Variants in HMCN1 observed in about 807,000 individuals in gnomAD.
HMCN1 encodes the protein hemicentin-1.
In HMCN1, 321 loss-of-function variants were observed where a neutral mutation model predicts 625.9. That is an observed-to-expected ratio of 0.51 (90% CI 0.47 to 0.56). The LOEUF (loss-of-function observed/expected upper bound fraction) is 0.56, where lower values mean the gene tolerates loss of function less well. Ranked by LOEUF, HMCN1 falls within the 20% of genes least tolerant of loss-of-function variation. The probability of loss-of-function intolerance (pLI) is 0.00; values close to 1 mark genes in which losing one functional copy is unlikely to be tolerated. For synonymous variants in HMCN1, 2,425 were observed against 2,417.6 expected, an observed-to-expected ratio of 1.00 and a Z score of -0.09; for missense variants, 6,588 against 6,887.3, an observed-to-expected ratio of 0.96 and a Z score of 1.54.
rs1267897044 is a variant in HMCN1 at position 185,816,369 on chromosome 1, T to C, written c.269-29657T>C. On this transcript the variant is annotated intron_variant, in intron 1 of 106. Transcript: ENST00000271588. ...TTTGGGGATGTTTGTAATATTTAAA[T>C]GGAAAAGAGGCTTCCAGAATTCCAT... is the stretch of plus-strand genomic sequence containing the variant. 2.0e-5 allele frequency among the ~76,000 whole-genome samples: 3 copies of C among 152,192 alleles called. No individual in the cohort carries two copies. The East Asian group carries it at 5.8e-4, about 29-fold the overall frequency.
At chr1:185,786,506 T>G (rs1657580478) in intron 1 of HMCN1, among the ~76,000 whole-genome samples, 1 of 152,182 alleles carries the variant, frequency 6.6e-6, no homozygotes, top group South Asian at 2.1e-4. Context: ...CGTTGTCTCA[T>G]CTGGAGTTCT....
chr1:186,054,241 G>A (rs1050106150), intron 44 of HMCN1, among the ~76,000 whole-genome samples: 1 of 151,880 alleles, frequency 6.6e-6, no homozygotes, highest in African/African-American at 2.4e-5. Flanking sequence ...AATTTTGTTG[G>A]GGACAGATAG....
chr1:185,742,026 A>G (rs944346858), intron 1 of HMCN1, among the ~76,000 whole-genome samples: 4 of 151,114 alleles, frequency 2.6e-5, no homozygotes, highest in Non-Finnish European at 5.9e-5. Flanking sequence ...TAGGGCTAAA[A>G]TTGAGCTTAG....
At position 186,159,791 on chromosome 1, in the gene HMCN1, GC is replaced by G. The variant is rs1651309804; in HGVS notation, c.15257-5319del. ...AAGCCCACTTGATCATGGTGGATAA[GC>G]TTTTTGATGCGCTTGCTGGATTCGG... On this transcript the variant is annotated intron_variant, in intron 97 of 106. Transcript: ENST00000271588. 2.0e-5 allele frequency among the ~76,000 whole-genome samples: 3 copies of G among 152,180 alleles called. No individual in the cohort carries two copies. The South Asian group carries it at 6.2e-4, about 32-fold the overall frequency.
intron 98 of HMCN1, 48 bp from the exon 99 acceptor site, chr1:186,166,136 A>G (rs1651862650): frequency 1.2e-6 from 2 of 1,609,932 alleles, no homozygotes; most frequent in South Asian, 1.1e-5. Context: ...ACTCCCAGAA[A>G]GTAAGGATTT....
intron 45 of HMCN1, among the ~76,000 whole-genome samples, chr1:186,056,512 TAATA>T (rs1336724289): frequency 6.6e-6 from 1 of 151,912 alleles, no homozygotes; most frequent in Non-Finnish European, 1.5e-5. Flanking sequence ...AGGTGCTGAT[TAATA>T]AATGGTGGAT....
intron 22 of HMCN1, 97 bp from the exon 23 acceptor site, chr1:185,993,085 T>G: frequency 8.1e-7 from 1 of 1,230,740 alleles, no homozygotes; most frequent in Non-Finnish European, 1.2e-6. Flanking sequence ...TTTAAAAAAC[T>G]ACTTGCAGAG....
Position 186,093,255 on chromosome 1 carries a change from T to C in HMCN1, c.10009T>C (p.Tyr3337His). 2 of 1,613,300 alleles carry C rather than the reference T, an allele frequency of 1.2e-6. No individual in the cohort carries two copies. The highest frequency in any genetic ancestry group is 1.7e-6 in the Non-Finnish European group (2 of 1,179,522). ...AGACCGAATTTTTAACTTGAATGTC[T>C]ATGGTAAATATGAAATATCCCCCTC... is the stretch of plus-strand genomic sequence containing the variant. ...EEDRIFNLNVYVTPTIRGNKD... is the reference protein window; with the variant it reads ...EEDRIFNLNVHVTPTIRGNKD... Residue 3337 changes from tyrosine (Y) to histidine (H), a missense_variant, in exon 65 of 107, where the codon TAT becomes CAT. Physicochemically the swap from Tyr to His is moderately conservative, Grantham distance 83 (BLOSUM62 2). This residue lies in a region of HMCN1 where 4,628 missense variants were observed against 4,853.1 expected (regional missense o/e 0.95). Transcript: ENST00000271588.
At position 186,115,431 on chromosome 1, in the gene HMCN1, ACTC is replaced by A. The variant is rs1283616627; in HGVS notation, c.11561+20_11561+22del. 2.5e-6 allele frequency: 4 copies of A among 1,602,460 alleles called. No individual in the cohort carries two copies. Among genetic ancestry groups the A allele is most frequent in the Admixed American group, 1.7e-5 (1 of 59,896 alleles). On this transcript the variant is annotated intron_variant, in intron 75 of 106. Coordinates refer to ENST00000271588, the MANE Select transcript of HMCN1 (RefSeq NM_031935.3). ...CTCATACAGGTAAGGATAATTTAAA[ACTC>A]CTACCAACTATTTACAAACAGTTTG... is the stretch of plus-strand genomic sequence containing the variant.
chr1:186,017,057 C>T lies in HMCN1; in HGVS notation c.5286C>T (p.Pro1762=), dbSNP rs1278451813. 3 of 1,589,324 alleles carry T rather than the reference C, an allele frequency of 1.9e-6. No individual in the cohort carries two copies. Among genetic ancestry groups the T allele is most frequent in the East Asian group, 2.2e-5 (1 of 44,686 alleles). The change falls in exon 33 of 107, where the codon CCC becomes CCT. Residue 1762 remains proline (P), a synonymous_variant. Coordinates refer to ENST00000271588, the MANE Select transcript of HMCN1 (RefSeq NM_031935.3). The part of the protein sequence containing the change: ...LELDCHVTGS[P]PPTIMWLKDG... ...TAGATTGTCATGTGACAGGCTCTCC[C>T]CCACCAACTATCATGTAAGGGTTTT...
At chr1:185,794,597 A>G (rs528588876) in intron 1 of HMCN1, among the ~76,000 whole-genome samples, 2 of 147,886 alleles carry the variant, frequency 1.4e-5, no homozygotes, top group South Asian at 4.3e-4. Flanking sequence ...TTTAGTCTTT[A>G]CACATTTTTT....
chr1:185,751,529 A>G (rs951071081), intron 1 of HMCN1, among the ~76,000 whole-genome samples: 6 of 151,686 alleles, frequency 4.0e-5, no homozygotes, highest in Non-Finnish European at 5.9e-5. Context: ...TGCCTCCCCA[A>G]CTCAAGGACT....
rs1659674740 is a variant in HMCN1, at chr1:186,088,736, T to C, written c.9708T>C (p.Tyr3236=). Residue 3236 remains tyrosine (Y), a synonymous_variant, in exon 63 of 107, where the codon TAT becomes TAC. Transcript: ENST00000271588. The part of the protein sequence containing the change: ...ASNMEGKAQK[Y]YFLSIQVPPS... The stretch of plus-strand genomic sequence containing the variant: ...ATATGGAGGGAAAAGCCCAGAAATA[T>C]TACTTTCTTTCAATTCAAGGTATGT... The C allele has an allele frequency of 6.2e-7, 1 of 1,608,902 alleles. No individual in the cohort carries two copies. The highest frequency in any genetic ancestry group is 1.3e-5 in the African/African-American group (1 of 74,796).
At chr1:186,134,393 A>G (rs188342478) in intron 86 of HMCN1, among the ~76,000 whole-genome samples, 7 of 152,224 alleles carry the variant, frequency 4.6e-5, no homozygotes, top group Admixed American at 2.0e-4. Flanking sequence ...TGAGGGATAA[A>G]CCTGAGGTAT....
At chr1:186,133,089 T>C (rs1274087526) in intron 86 of HMCN1, among the ~76,000 whole-genome samples, 1 of 152,178 alleles carries the variant, frequency 6.6e-6, no homozygotes, top group Non-Finnish European at 1.5e-5. Flanking sequence ...AGTTCAACCA[T>C]TGTGGAAGTC....
chr1:186,080,344 G>A, intron 55 of HMCN1, among the ~76,000 whole-genome samples: 1 of 151,928 alleles, frequency 6.6e-6, no homozygotes, highest in East Asian at 1.9e-4. Flanking sequence ...TTTTTAAAGT[G>A]GGGGGGAAAT....
chr1:186,004,310 G>A (rs1015561212), intron 29 of HMCN1, among the ~76,000 whole-genome samples: 1 of 152,172 alleles, frequency 6.6e-6, no homozygotes, highest in Non-Finnish European at 1.5e-5. Flanking sequence ...CGAAATGGCT[G>A]CAGTGGTCTG....
rs1374739824 is a variant in HMCN1 at position 186,113,091 on chromosome 1, A to G, written c.11131+138A>G. On this transcript the variant is annotated intron_variant, in intron 72 of 106. Coordinates refer to ENST00000271588, the MANE Select transcript of HMCN1 (RefSeq NM_031935.3). The stretch of plus-strand genomic sequence containing the variant: ...GCTTTTGAAAAAGGCAACGTGGAGT[A>G]TTTGTATTATATCTATACTGCAAAT... The G allele has an allele frequency of 4.4e-6, 4 of 905,630 alleles. No homozygotes were observed. In the African/African-American group the frequency reaches 6.7e-5, roughly 15 times the overall value. 56.1% of individuals were successfully genotyped at this position (905,630 alleles called of 1,614,324 possible).
intron 10 of HMCN1, among the ~76,000 whole-genome samples, chr1:185,930,798 A>G (rs1484555865): frequency 2.0e-5 from 3 of 152,106 alleles, no homozygotes; most frequent in Admixed American, 6.6e-5. Context: ...AAAACTGCAG[A>G]AGCATGAAAA....
Sources: allele counts gnomAD v4.1 joint callset (sites outside exome capture counted in the v4.1 genomes callset), GRCh38; gene constraint gnomAD v4.1.1; regional missense constraint gnomAD v4.1.1; transcripts MANE v1.5; gene names NCBI Gene and HGNC (gene_info 2026-07-23, HGNC 2026-07-21).